The following PDE4B variants were observed in gnomAD, a reference collection of about 807,000 sequenced individuals.
The protein encoded by PDE4B is 3',5'-cyclic-AMP phosphodiesterase 4B.
PDE4B carries 20 observed loss-of-function variants against 82.2 expected under a neutral mutation model. That is an observed-to-expected ratio of 0.24 (90% CI 0.17 to 0.35). The LOEUF is 0.35. Among genes scored for constraint, PDE4B ranks in the 10% least tolerant of loss-of-function variants. The pLI is 1.00. For missense variants in PDE4B, 655 were observed against 907.2 expected (o/e 0.72, Z 3.57); for synonymous variants, 320 against 318.9 (o/e 1.00, Z -0.04).
chr1:65,991,285 T>G lies in PDE4B; in HGVS notation c.281+72450T>G, dbSNP rs925209629. On this transcript the variant is annotated intron_variant, in intron 3 of 16. Transcript: ENST00000341517. ...AAGGAGAGACGAGGTTTCCCCATGT[T>G]GGCCAGACTGGTCTCAAACTCCTGG... Among the ~76,000 whole-genome samples, 8 of 152,116 alleles carry G rather than the reference T, an allele frequency of 5.3e-5. No individual in the cohort carries two copies. In the East Asian group the frequency reaches 1.5e-3, roughly 29 times the overall value.
intron 3 of PDE4B, among the ~76,000 whole-genome samples, chr1:65,924,109 C>T (rs1207027143): frequency 1.4e-4 from 1 of 7,216 alleles, no homozygotes; most frequent in African/African-American, 2.3e-4. Flanking sequence ...GAGTCTCGCT[C>T]TGTCGCCCAG....
At chr1:66,052,552 C>T (rs548133465) in intron 3 of PDE4B, among the ~76,000 whole-genome samples, 34 of 115,978 alleles carry the variant, frequency 2.9e-4, no homozygotes, top group Non-Finnish European at 4.6e-4. Flanking sequence ...GTTCAGGGAC[C>T]GAGTTTTTTT....
At chr1:66,022,701 C>T (rs543461146) in intron 3 of PDE4B, among the ~76,000 whole-genome samples, 7 of 152,220 alleles carry the variant, frequency 4.6e-5, no homozygotes, top group Admixed American at 6.5e-5. Context: ...CTGCTGGATT[C>T]GGTTTGCCAG....
At chr1:66,153,342 A>C (rs1204678811) in intron 3 of PDE4B, among the ~76,000 whole-genome samples, 3 of 152,152 alleles carry the variant, frequency 2.0e-5, no homozygotes, top group Non-Finnish European at 4.4e-5. Flanking sequence ...TCTGGTTTAA[A>C]TATCGTCTCT....
At chr1:65,884,148 G>A (rs558550033) in intron 1 of PDE4B, among the ~76,000 whole-genome samples, 40 of 152,212 alleles carry the variant, frequency 2.6e-4, no homozygotes, top group African/African-American at 9.1e-4. Flanking sequence ...CCAGGCTTTG[G>A]TATCAGGATG....
chr1:66,287,161 T>C (rs957429851), intron 7 of PDE4B, among the ~76,000 whole-genome samples: 2 of 152,308 alleles, frequency 1.3e-5, no homozygotes, highest in Admixed American at 6.5e-5. Context: ...ATGGTGGTTT[T>C]CTTCTCAGTG....
rs77664817 is a variant in PDE4B, at chr1:65,851,636, A to G, written c.-71+58388A>G. ...TATTTTCCAACTATTTGTTGCTAGT[A>G]TATAGAAATAAGCTTAATTTTTAAA... On this transcript the variant is annotated intron_variant, in intron 1 of 16. Transcript: ENST00000341517. 3.6e-3 allele frequency among the ~76,000 whole-genome samples: 545 copies of G among 152,156 alleles called. 3 individuals are homozygous for G. The highest frequency in any genetic ancestry group is 0.013 in the African/African-American group (521 of 41,582).
chr1:66,343,345 A>G (rs908228942), intron 8 of PDE4B, among the ~76,000 whole-genome samples: 2 of 152,196 alleles, frequency 1.3e-5, no homozygotes, highest in African/African-American at 4.8e-5. Flanking sequence ...TTCATATTCC[A>G]TTGACTAGAA....
chr1:65,844,203 T>A (rs1646241954), intron 1 of PDE4B, among the ~76,000 whole-genome samples: 1 of 152,166 alleles, frequency 6.6e-6, no homozygotes, highest in Non-Finnish European at 1.5e-5. Context: ...ATGGCAAAAG[T>A]CAACAGAATA....
intron 3 of PDE4B, among the ~76,000 whole-genome samples, chr1:65,920,388 T>G (rs1647215290): frequency 6.6e-6 from 1 of 152,232 alleles, no homozygotes; most frequent in African/African-American, 2.4e-5. Flanking sequence ...GTGCTATATC[T>G]GTTGTTAGCT....
chr1:66,148,470 T>C (rs1646319330), intron 3 of PDE4B, among the ~76,000 whole-genome samples: 3 of 152,308 alleles, frequency 2.0e-5, no homozygotes, highest in South Asian at 4.1e-4. Context: ...CTATAGTTTG[T>C]TGTTTTTTAA....
chr1:66,083,912 G>A (rs894056878), intron 3 of PDE4B, among the ~76,000 whole-genome samples: 3 of 152,086 alleles, frequency 2.0e-5, no homozygotes, highest in African/African-American at 4.8e-5. Flanking sequence ...CAGCTACATT[G>A]TAGGTATATT....
At chr1:66,013,571 A>G (rs1569975447) in intron 3 of PDE4B, among the ~76,000 whole-genome samples, 1 of 152,090 alleles carries the variant, frequency 6.6e-6, no homozygotes, top group South Asian at 2.1e-4. Flanking sequence ...TTCTTGTGCA[A>G]CCAGCCTCCA....
intron 1 of PDE4B, among the ~76,000 whole-genome samples, chr1:65,884,314 A>G (rs571269579): frequency 6.6e-6 from 1 of 152,170 alleles, no homozygotes; most frequent in South Asian, 2.1e-4. Context: ...GTAGGCTATT[A>G]ATTATTGCCT....
intron 7 of PDE4B, among the ~76,000 whole-genome samples, chr1:66,304,136 A>G (rs575582305): frequency 2.0e-5 from 3 of 152,264 alleles, no homozygotes; most frequent in African/African-American, 4.8e-5. Context: ...AAGCATATTA[A>G]TATAATCATC....
At position 66,372,479 on chromosome 1, in the gene PDE4B, G is replaced by C. The variant is rs759766041; in HGVS notation, c.2012G>C (p.Cys671Ser). 10 of 1,613,980 alleles carry C rather than the reference G, an allele frequency of 6.2e-6. No homozygotes were observed. Among genetic ancestry groups the C allele is most frequent in the Non-Finnish European group, 8.5e-6 (10 of 1,179,982 alleles). ...CCACTGGACGAGCAGAACAGGGACT[G>C]CCAGGGTCTGATGGAGAAGTTTCAG... The part of the protein sequence containing the change: ...SPPLDEQNRD[C>S]QGLMEKFQFE... The change falls in exon 17 of 17, where the codon TGC (cysteine) becomes TCC (serine). Residue 671 changes from cysteine (C) to serine (S), a missense_variant. Cys to Ser is a moderately radical substitution (Grantham distance 112). Around this residue, in one of 3 missense-constraint regions of PDE4B, gnomAD observed 119 missense variants for 115.2 expected, o/e 1.03. Transcript: ENST00000341517.
intron 3 of PDE4B, among the ~76,000 whole-genome samples, chr1:66,038,807 G>A (rs78128113): frequency 0.013 from 1,997 of 152,170 alleles, 57 homozygotes; most frequent in African/African-American, 0.046. Context: ...GAAGATAGCT[G>A]CATCTAAGCA....
At chr1:66,341,058 G>T (rs540636149) in intron 8 of PDE4B, among the ~76,000 whole-genome samples, 1 of 152,156 alleles carries the variant, frequency 6.6e-6, no homozygotes, top group East Asian at 1.9e-4. Context: ...AGAACTTTAA[G>T]CCTAGAAGAG....
At chr1:66,334,137 T>C (rs1660331662) in intron 8 of PDE4B, among the ~76,000 whole-genome samples, 1 of 152,204 alleles carries the variant, frequency 6.6e-6, no homozygotes, top group African/African-American at 2.4e-5. Context: ...AATTGACGGC[T>C]ATGCAAGATG....
Sources: allele counts gnomAD v4.1 joint callset (sites outside exome capture counted in the v4.1 genomes callset), GRCh38; gene constraint gnomAD v4.1.1; regional missense constraint gnomAD v4.1.1; transcripts MANE v1.5; gene names NCBI Gene and HGNC (gene_info 2026-07-23, HGNC 2026-07-21).